CBR4: variants seen among roughly 807,000 people sequenced by gnomAD.
CBR4 encodes 3-oxoacyl-[acyl-carrier-protein] reductase.
A neutral mutation model predicts 21.0 loss-of-function variants in CBR4; 22 were observed. That is an observed-to-expected ratio of 1.05 (90% confidence interval 0.75 to 1.50). CBR4 has a LOEUF of 1.50. CBR4 is among the 40% of genes most tolerant of loss of function. CBR4 has a pLI of 0.00. For missense variants in CBR4, 302 were observed against 286.3 expected (o/e 1.05, Z -0.40); for synonymous variants, 100 against 104.4 (o/e 0.96, Z 0.26).
intron 2 of CBR4, among the ~76,000 whole-genome samples, chr4:168,932,752 G>A (rs1023481671): frequency 3.3e-5 from 5 of 151,758 alleles, no homozygotes; most frequent in Non-Finnish European, 5.9e-5. Context: ...CTTACAGGCC[G>A]GGAAAAAAAG....
chr4:168,989,241 A>C lies in CBR4; in HGVS notation c.*909T>G. On this transcript the variant is annotated 3_prime_UTR_variant, in exon 5 of 5. Transcript: ENST00000306193. ...TTAAATGTTGTATTTCTCGTTTTTA[A>C]ATATTAATAGTTCACTATTCTAAGT... 1.0e-6 allele frequency: 1 copy of C among 979,678 alleles called. No individual in the cohort carries two copies. The highest frequency in any genetic ancestry group is 1.2e-6 in the Non-Finnish European group (1 of 824,722). The allele number at this position is 979,678 out of a possible 1,614,324, so 60.7% of individuals were successfully genotyped here. A position where few individuals can be genotyped will look rare whatever the true frequency, so the allele number is the denominator to read the frequency against.
At chr4:168,942,998 G>A (rs1296648977) in intron 2 of CBR4, among the ~76,000 whole-genome samples, 1 of 152,078 alleles carries the variant, frequency 6.6e-6, no homozygotes, top group African/African-American at 2.4e-5. Flanking sequence ...AGAGAAACAG[G>A]AACTCATGCA....
chr4:168,919,925 A>G (rs189288542), intron 2 of CBR4, among the ~76,000 whole-genome samples: 1 of 152,318 alleles, frequency 6.6e-6, no homozygotes, highest in African/African-American at 2.4e-5. Flanking sequence ...TTGCCCTAGC[A>G]TGAGTAACTA....
At chr4:168,912,310 C>T (rs1055040423) in intron 2 of CBR4, among the ~76,000 whole-genome samples, 2 of 152,194 alleles carry the variant, frequency 1.3e-5, no homozygotes, top group Non-Finnish European at 2.9e-5. Context: ...CTCACTAAGT[C>T]TAATCATTGA....
intron 2 of CBR4, among the ~76,000 whole-genome samples, chr4:168,932,418 T>A (rs947954593): frequency 3.9e-5 from 6 of 151,988 alleles, no homozygotes; most frequent in African/African-American, 1.2e-4. Context: ...AAAGAAAGCC[T>A]ACAGAATGTA....
At chr4:169,002,318 T>C (rs1184563839) in intron 3 of CBR4, 113 bp from the exon 4 acceptor site, 1 of 1,091,070 alleles carries the variant, frequency 9.2e-7, no homozygotes, top group African/African-American at 1.6e-5. Context: ...CACTTCACCT[T>C]GTCCTTTGTT....
downstream of CBR4, among the ~76,000 whole-genome samples, chr4:168,987,290 T>C (rs1764723399): frequency 6.6e-6 from 1 of 152,224 alleles, no homozygotes; most frequent in Non-Finnish European, 1.5e-5. Context: ...TTCCAAGATA[T>C]GAACTGAGAG....
intron 2 of CBR4, among the ~76,000 whole-genome samples, chr4:168,922,558 C>A (rs538166915): frequency 6.6e-6 from 1 of 152,262 alleles, no homozygotes; most frequent in African/African-American, 2.4e-5. Flanking sequence ...CACTACGTCA[C>A]TGAGCTCTTT....
Position 169,010,055 on chromosome 4 carries a change from C to T in CBR4, c.35G>A (p.Arg12Gln). ...CTGGGCCACAGCTCTGCCAATGCCT[C>T]GGGAGCCTCCAAAAACAGCACACAC... ...DKVCAVFGGS[R>Q]GIGRAVAQLM... The change falls in exon 1 of 5, where the codon CGA becomes CAA. Residue 12 changes from arginine (R) to glutamine (Q), a missense_variant. Physicochemically the swap from Arg to Gln is conservative, Grantham distance 43. Coordinates refer to ENST00000306193, the MANE Select transcript of CBR4 (RefSeq NM_032783.5). The T allele has an allele frequency of 1.2e-6, 2 of 1,613,716 alleles. No individual in the cohort carries two copies. The highest frequency in any genetic ancestry group is 2.2e-5 in the South Asian group (2 of 91,006).
rs1303155354 is a variant in CBR4, at chr4:168,905,153, T to G, written n.170-10388A>C. On this transcript the variant is annotated intron_variant and non_coding_transcript_variant, in intron 2 of 3. Coordinates refer to the CBR4 transcript ENST00000509108. ...TGTTTTGTTGGTTTTTTTTTTTTTT[T>G]TTTTTTTTTTTTTTTGAGATGGAAT... 2.3e-4 allele frequency among the ~76,000 whole-genome samples: 31 copies of G among 134,444 alleles called. 3 individuals carry two copies. The highest frequency in any genetic ancestry group is 3.5e-4 in the Non-Finnish European group (22 of 62,330). 88.2% of individuals were successfully genotyped at this position (134,444 alleles called of 152,430 possible). A position where few individuals can be genotyped will look rare whatever the true frequency, so the allele number is the denominator to read the frequency against.
intron 2 of CBR4, among the ~76,000 whole-genome samples, chr4:168,957,772 C>T (rs969525967): frequency 6.6e-6 from 1 of 152,142 alleles, no homozygotes. Flanking sequence ...TTATCTTGAA[C>T]TGTAGTTCCC....
chr4:168,960,516 T>C (rs1341136888), intron 2 of CBR4, among the ~76,000 whole-genome samples: 1 of 152,166 alleles, frequency 6.6e-6, no homozygotes, highest in East Asian at 1.9e-4. Context: ...GAAATACATT[T>C]TTCTACTATT....
In CBR4 at chr4:168,922,085, T is replaced by TTA. The variant is rs149658107; in HGVS notation, n.170-27322_170-27321dup. ...TTTGCTTATATATAAAGTTTTATATTTATATATATATATATATACACACAC... is the reference window on the plus strand; with the variant it reads ...TTTGCTTATATATAAAGTTTTATATTTATATATATATATATATATACACACAC... On this transcript the variant is annotated intron_variant and non_coding_transcript_variant, in intron 2 of 3. Transcript: ENST00000509108. Among the ~76,000 whole-genome samples, 189 of 134,328 alleles carry TTA rather than the reference T, an allele frequency of 1.4e-3. 1 individual carries two copies. Among genetic ancestry groups the TTA allele is most frequent in the African/African-American group, 4.4e-3 (158 of 35,636 alleles). 88.1% of individuals were successfully genotyped at this position (134,328 alleles called of 152,430 possible). A position where few individuals can be genotyped will look rare whatever the true frequency, so the allele number is the denominator to read the frequency against.
downstream of CBR4, among the ~76,000 whole-genome samples, chr4:168,987,281 T>C (rs1373086574): frequency 1.3e-5 from 2 of 152,186 alleles, no homozygotes; most frequent in African/African-American, 4.8e-5. Flanking sequence ...CAAGAAATAT[T>C]CCAAGATATG....
intron 2 of CBR4, among the ~76,000 whole-genome samples, chr4:168,895,203 G>GT (rs1677747661): frequency 6.6e-6 from 1 of 152,116 alleles, no homozygotes; most frequent in Non-Finnish European, 1.5e-5. Context: ...CCAACATGGT[G>GT]AAACCCCGTC....
At chr4:168,963,421 C>T (rs1398720514) in intron 2 of CBR4, among the ~76,000 whole-genome samples, 1 of 151,816 alleles carries the variant, frequency 6.6e-6, no homozygotes, top group African/African-American at 2.4e-5. Context: ...ACAATTAGAG[C>T]ACCTGAGTTC....
chr4:168,966,539 A>G (rs1764040075), intron 2 of CBR4, among the ~76,000 whole-genome samples: 2 of 152,040 alleles, frequency 1.3e-5, no homozygotes, highest in Admixed American at 6.5e-5. Context: ...AGAAAAAAAA[A>G]AAGAAAAAAG....
At chr4:168,987,546 C>G (rs1277758503), downstream of CBR4, 1 of 655,624 alleles carries the variant, frequency 1.5e-6, no homozygotes, top group African/African-American at 2.0e-5. Context: ...TTTTTAAACT[C>G]TACTCTTATA....
At chr4:168,994,341 T>C (rs1044597473) in intron 4 of CBR4, among the ~76,000 whole-genome samples, 1 of 152,194 alleles carries the variant, frequency 6.6e-6, no homozygotes, top group African/African-American at 2.4e-5. Context: ...CAGGTGTTCC[T>C]TGCCCTCATT....
Sources: gnomAD v4.1 joint callset for allele counts (sites outside exome capture counted in the v4.1 genomes callset) on GRCh38, gnomAD v4.1.1 for gene constraint, MANE v1.5 for transcripts, NCBI Gene and HGNC (gene_info 2026-07-23, HGNC 2026-07-21) for gene names.